CFAP69: variants seen among roughly 807,000 people sequenced by gnomAD.
The protein encoded by CFAP69 is cilia- and flagella-associated protein 69.
Under a neutral mutation model 123.0 loss-of-function variants are expected in CFAP69, and 92 were observed. The observed-to-expected ratio is 0.75, with a 90% CI of 0.63 to 0.89. The LOEUF is 0.89. CFAP69 is among the 40% of genes least tolerant of loss of function. The pLI is 0.00. For synonymous variants in CFAP69, 380 were observed against 364.3 expected (o/e 1.04, Z -0.49); for missense variants, 1,067 against 1,096.9 (o/e 0.97, Z 0.39).
rs28945391 is a variant in CFAP69, at chr7:90,294,575, A to G, written c.1776-3174A>G. Among the ~76,000 whole-genome samples the G allele has an allele frequency of 5.5e-3, 842 of 152,090 alleles. 20 individuals are homozygous for G. The highest frequency in any genetic ancestry group is 0.037 in the East Asian group (191 of 5,170). Reference sequence around the variant, plus strand: ...TGTGAAAAGAGAAAGCATGGCCACAAGGTTACAAGGTCAAGCTCCCAAGGA... The same window carrying G: ...TGTGAAAAGAGAAAGCATGGCCACAGGGTTACAAGGTCAAGCTCCCAAGGA... On this transcript the variant is annotated intron_variant, in intron 15 of 22. Coordinates refer to ENST00000389297, the MANE Select transcript of CFAP69 (RefSeq NM_001039706.3).
At chr7:90,261,792 T>G (rs1415280335) in intron 3 of CFAP69, among the ~76,000 whole-genome samples, 155 bp from the exon 4 acceptor site, 1 of 152,190 alleles carries the variant, frequency 6.6e-6, no homozygotes, top group East Asian at 1.9e-4. Flanking sequence ...CTAAATTTCC[T>G]TTTTTAGACT....
chr7:90,274,245 C>T (rs1033133640), intron 9 of CFAP69, 135 bp downstream of exon 9: 1 of 1,054,984 alleles, frequency 9.5e-7, no homozygotes, highest in African/African-American at 1.7e-5. Flanking sequence ...TGATGGTCAC[C>T]AGTGTGCTTA....
chr7:90,252,497 A>G (rs952028287), intron 1 of CFAP69, among the ~76,000 whole-genome samples: 1 of 152,032 alleles, frequency 6.6e-6, no homozygotes, highest in South Asian at 2.1e-4. Context: ...GCGACACTCT[A>G]TCTCTACAAA....
chr7:90,290,246 A>G (rs1241296733), intron 15 of CFAP69, among the ~76,000 whole-genome samples: 1 of 152,202 alleles, frequency 6.6e-6, no homozygotes, highest in Non-Finnish European at 1.5e-5. Flanking sequence ...CAGCAAGTGG[A>G]ATACCCAGGA....
At chr7:90,275,702 C>T (rs1788505991) in intron 9 of CFAP69, among the ~76,000 whole-genome samples, 1 of 133,718 alleles carries the variant, frequency 7.5e-6, no homozygotes, top group Admixed American at 8.9e-5. Context: ...CCCGGGTTTG[C>T]GCCATTCTCC....
intron 4 of CFAP69, 71 bp from the exon 5 acceptor site, chr7:90,265,230 C>A: frequency 1.1e-6 from 1 of 876,846 alleles, no homozygotes; most frequent in Non-Finnish European, 1.9e-6. Flanking sequence ...AACTCTCCCC[C>A]ACTTACAAAT....
At chr7:90,315,710 T>C (rs1794744739), downstream of CFAP69, among the ~76,000 whole-genome samples, 1 of 151,972 alleles carries the variant, frequency 6.6e-6, no homozygotes, top group South Asian at 2.1e-4. Context: ...GTGAAATGAG[T>C]TTACCTATAG....
At chr7:90,263,951 C>T (rs1190971318) in intron 4 of CFAP69, among the ~76,000 whole-genome samples, 3 of 151,094 alleles carry the variant, frequency 2.0e-5, no homozygotes, top group Non-Finnish European at 4.4e-5. Flanking sequence ...AATAGCTGGG[C>T]GTGGTGGCAG....
At chr7:90,264,105 ATATATATAT>A (rs1459884487) in intron 4 of CFAP69, among the ~76,000 whole-genome samples, 2,273 of 70,806 alleles carry the variant, frequency 0.032, 133 homozygotes, top group Admixed American at 0.065. Flanking sequence ...AAAAAAAAAA[ATATATATAT>A]ATATATATAT....
At chr7:90,265,137 G>A (rs758523613) in intron 4 of CFAP69, among the ~76,000 whole-genome samples, 164 bp from the exon 5 acceptor site, 4 of 152,044 alleles carry the variant, frequency 2.6e-5, no homozygotes, top group Non-Finnish European at 5.9e-5. Flanking sequence ...CTGTAATACT[G>A]TGTATTACAA....
rs776086889 is a variant in CFAP69 at position 90,277,318 on chromosome 7, A to G, written c.1139A>G (p.Asp380Gly). 3 of 1,571,026 alleles carry G rather than the reference A, an allele frequency of 1.9e-6. No homozygotes were observed. The highest frequency in any genetic ancestry group is 4.6e-5 in the East Asian group (2 of 43,794). Residue 380 changes from aspartate to glycine, a missense_variant, in exon 11 of 23, where the codon GAT (aspartate) becomes GGT (glycine). Asp to Gly is a moderately conservative substitution (Grantham distance 94). Coordinates refer to ENST00000389297, the MANE Select transcript of CFAP69 (RefSeq NM_001039706.3). ...LFNVIVILCK[D>G]LPTVQLLIDG... ...AACGTAATTGTGATCTTATGTAAAGATTTACCTACTGTACAGGTAAAGAGT... is the reference window on the plus strand; with the variant it reads ...AACGTAATTGTGATCTTATGTAAAGGTTTACCTACTGTACAGGTAAAGAGT...
intron 1 of CFAP69, among the ~76,000 whole-genome samples, chr7:90,253,077 C>T (rs1400512866): frequency 6.6e-6 from 1 of 152,030 alleles, no homozygotes; most frequent in Non-Finnish European, 1.5e-5. Flanking sequence ...GATTTTTTCG[C>T]TTTTGTTTGT....
At position 90,304,032 on chromosome 7, in the gene CFAP69, A is replaced by G; in HGVS notation, c.2114A>G (p.Asn705Ser). 2 of 1,551,298 alleles carry G rather than the reference A, an allele frequency of 1.3e-6. No individual in the cohort carries two copies. Among genetic ancestry groups the G allele is most frequent in the Non-Finnish European group, 1.7e-6 (2 of 1,146,762 alleles). ...CAAAAAATCATCCCACTGCCTGCTA[A>G]CTGCCCATCTATTGCGGTTATGGAT... The part of the protein sequence containing the change: ...EEQKIIPLPA[N>S]CPSIAVMDVS... Residue 705 changes from asparagine (N) to serine (S), a missense_variant, in exon 18 of 23, where the codon AAC (asparagine) becomes AGC (serine). Coordinates refer to ENST00000389297, the MANE Select transcript of CFAP69 (RefSeq NM_001039706.3).
At chr7:90,312,225 A>T (rs1794397868), downstream of CFAP69, among the ~76,000 whole-genome samples, 1 of 152,378 alleles carries the variant, frequency 6.6e-6, no homozygotes. Context: ...TCAGCCAACA[A>T]AATACTACAC....
chr7:90,259,470 G>T (rs1230189993), intron 3 of CFAP69, among the ~76,000 whole-genome samples: 1 of 126,778 alleles, frequency 7.9e-6, no homozygotes, highest in African/African-American at 2.9e-5. Context: ...TTGTTTTGGG[G>T]TGTTTGTTTG....
intron 1 of CFAP69, among the ~76,000 whole-genome samples, chr7:90,254,853 G>A (rs11563921): frequency 0.071 from 10,875 of 152,178 alleles, 430 homozygotes; most frequent in Middle Eastern, 0.099. Flanking sequence ...GAGTGGAGTC[G>A]ACGAGAACAG....
At chr7:90,288,418 G>A (rs534913333) in intron 15 of CFAP69, 66 bp downstream of exon 15, 4 of 1,519,676 alleles carry the variant, frequency 2.6e-6, no homozygotes, top group Non-Finnish European at 3.6e-6. Context: ...CAACAGTGAG[G>A]ATACTTTCTG....
the CFAP69 span, among the ~76,000 whole-genome samples, chr7:90,316,298 T>C: frequency 6.6e-6 from 1 of 152,192 alleles, no homozygotes; most frequent in African/African-American, 2.4e-5. Flanking sequence ...AACCCAAAGC[T>C]GTGAAACTGA....
chr7:90,322,508 C>T, the CFAP69 span: 1 of 152,194 alleles, frequency 6.6e-6, no homozygotes, highest in African/African-American at 2.4e-5. Context: ...CATGTCCCCA[C>T]CCCCAAAGGA....
Sources: gnomAD v4.1 joint callset for allele counts (sites outside exome capture counted in the v4.1 genomes callset) on GRCh38, gnomAD v4.1.1 for gene constraint, MANE v1.5 for transcripts, NCBI Gene and HGNC (gene_info 2026-07-23, HGNC 2026-07-21) for gene names.